GPR89B: variants seen among roughly 807,000 people sequenced by gnomAD.
The protein encoded by GPR89B is G protein-coupled receptor 89B.
GPR89B carries 25 observed loss-of-function variants against 52.4 expected under a neutral mutation model. That is an observed-to-expected ratio of 0.48 (90% confidence interval 0.35 to 0.67). The LOEUF is 0.67. Among genes scored for constraint, GPR89B ranks in the 30% least tolerant of loss-of-function variants. GPR89B has a pLI of 0.01. For synonymous variants in GPR89B, 52 were observed against 151.2 expected, an observed-to-expected ratio of 0.34 and a Z score of 4.81; for missense variants, 146 against 450.2, an observed-to-expected ratio of 0.32 and a Z score of 6.11.
At chr1:147,977,254 A>C (rs1254131866) in intron 10 of GPR89B, among the ~76,000 whole-genome samples, 5 of 151,134 alleles carry the variant, frequency 3.3e-5, no homozygotes, top group Non-Finnish European at 5.9e-5. Context: ...AAAAAAAAAA[A>C]AAAAAAAACA....
intron 10 of GPR89B, among the ~76,000 whole-genome samples, chr1:147,978,190 G>A (rs1657978776): frequency 6.6e-6 from 1 of 151,776 alleles, no homozygotes. Flanking sequence ...GTCTTTTTTT[G>A]TTGATGTTGT....
chr1:148,006,791 A>G, the GPR89B span, among the ~76,000 whole-genome samples: 1 of 150,918 alleles, frequency 6.6e-6, no homozygotes, highest in Admixed American at 6.6e-5. Context: ...ATCTTGGCTC[A>G]CAGCAACCTC....
At position 147,982,366 on chromosome 1, in the gene GPR89B, T is replaced by A. The variant is rs1394930120; in HGVS notation, c.910-3833T>A. On this transcript the variant is annotated intron_variant, in intron 10 of 13. Transcript: ENST00000314163. ...TGAGCCACTGCGACCGGCCTATGTTTAACCTTTTAAAGAACTACCAGACTT... is the reference window on the plus strand; with the variant it reads ...TGAGCCACTGCGACCGGCCTATGTTAAACCTTTTAAAGAACTACCAGACTT... Among the ~76,000 whole-genome samples, 9 of 151,320 alleles carry A rather than the reference T, an allele frequency of 5.9e-5. No individual in the cohort carries two copies. In the East Asian group the frequency reaches 1.4e-3, roughly 23 times the overall value.
intron 7 of GPR89B, 44 bp downstream of exon 7, chr1:147,954,446 T>A (rs1655952712): frequency 9.3e-6 from 2 of 214,378 alleles, no homozygotes; most frequent in African/African-American, 2.4e-5. Flanking sequence ...TTACAATTTC[T>A]CAACAAGAAA....
chr1:148,013,639 C>T, the GPR89B span, among the ~76,000 whole-genome samples: 1 of 151,984 alleles, frequency 6.6e-6, no homozygotes, highest in African/African-American at 2.4e-5. Context: ...CTGGGCCACG[C>T]GACCCAGGCC....
chr1:148,014,517 G>A, the GPR89B span: 1 of 151,302 alleles, frequency 6.6e-6, no homozygotes, highest in Non-Finnish European at 1.5e-5. Context: ...GCCGAAGTGT[G>A]GTGGACTAGC....
intron 1 of GPR89B, among the ~76,000 whole-genome samples, chr1:147,932,742 G>T (rs1653754264): frequency 6.6e-6 from 1 of 152,024 alleles, no homozygotes; most frequent in Non-Finnish European, 1.5e-5. Context: ...AGAAAACGGG[G>T]TTCCCCTACT....
At chr1:147,983,507 G>A (rs1413032347) in intron 10 of GPR89B, among the ~76,000 whole-genome samples, 1 of 152,148 alleles carries the variant, frequency 6.6e-6, no homozygotes, top group Non-Finnish European at 1.5e-5. Context: ...CCATCAAAAA[G>A]TTGGCGAAGG....
At chr1:147,963,004 CT>C (rs1656727199) in intron 7 of GPR89B, among the ~76,000 whole-genome samples, 1 of 147,388 alleles carries the variant, frequency 6.8e-6, no homozygotes, top group Non-Finnish European at 1.5e-5. Flanking sequence ...AAGTTCTTTA[CT>C]TGATACCAAA....
intron 12 of GPR89B, among the ~76,000 whole-genome samples, chr1:147,988,729 T>G (rs1658848780): frequency 6.7e-6 from 1 of 149,928 alleles, no homozygotes; most frequent in South Asian, 2.1e-4. Context: ...CTGGGTGTGG[T>G]GGCACATGCC....
the GPR89B span, among the ~76,000 whole-genome samples, chr1:148,019,807 C>CT: frequency 1.3e-5 from 2 of 151,986 alleles, no homozygotes; most frequent in African/African-American, 4.8e-5. Flanking sequence ...AACTGGCCTC[C>CT]TTGGGTGGCC....
At chr1:147,951,169 G>A (rs1655660528) in intron 5 of GPR89B, among the ~76,000 whole-genome samples, 1 of 151,154 alleles carries the variant, frequency 6.6e-6, no homozygotes, top group Non-Finnish European at 1.5e-5. Context: ...TTATCTGTGT[G>A]GCCTTAACTA....
chr1:147,977,437 G>A (rs1165191181), intron 10 of GPR89B, among the ~76,000 whole-genome samples: 1 of 151,492 alleles, frequency 6.6e-6, no homozygotes, highest in Admixed American at 6.6e-5. Context: ...TCTTGGGGTT[G>A]ATCTTCTCAT....
At chr1:148,023,004 C>T in the GPR89B span, among the ~76,000 whole-genome samples, 31 of 151,910 alleles carry the variant, frequency 2.0e-4, no homozygotes, top group Non-Finnish European at 3.8e-4. Flanking sequence ...ACCAAGGGTA[C>T]AAGTGTAGCA....
intron 2 of GPR89B, among the ~76,000 whole-genome samples, chr1:147,937,319 C>T (rs1553248121): frequency 6.6e-6 from 1 of 151,964 alleles, no homozygotes; most frequent in East Asian, 1.9e-4. Flanking sequence ...CTGGAAAGGG[C>T]AGTAAAATCA....
chr1:147,954,782 T>C (rs1223684161), intron 7 of GPR89B, among the ~76,000 whole-genome samples: 1 of 152,230 alleles, frequency 6.6e-6, no homozygotes. Context: ...AGAATTTTTT[T>C]GTTTAATTTT....
intron 11 of GPR89B, among the ~76,000 whole-genome samples, 160 bp from the exon 12 acceptor site, chr1:147,988,272 T>G (rs1658809181): frequency 6.6e-6 from 1 of 152,194 alleles, no homozygotes. Flanking sequence ...AGTTGTTTTA[T>G]TTGCCACTTA....
In GPR89B at chr1:147,992,585, C is replaced by T. The variant is rs1367853947; in HGVS notation, c.1161+18C>T. 1.5e-4 allele frequency: 238 copies of T among 1,611,664 alleles called. 1 individual carries two copies. In the East Asian group the frequency reaches 5.2e-3, roughly 35 times the overall value. ...AGATAATGGTAAGTTTAATTAGTTA[C>T]CTTTATGTTGACAGCTGTAAAATAT... On this transcript the variant is annotated intron_variant, in intron 13 of 13. Transcript: ENST00000314163.
At chr1:148,012,466 A>C in the GPR89B span, among the ~76,000 whole-genome samples, 1 of 150,838 alleles carries the variant, frequency 6.6e-6, no homozygotes, top group Non-Finnish European at 1.5e-5. Context: ...CTTCCTCCCT[A>C]TTCAGTTTAT....
Sources: allele counts gnomAD v4.1 joint callset (sites outside exome capture counted in the v4.1 genomes callset), GRCh38; gene constraint gnomAD v4.1.1; transcripts MANE v1.5; gene names NCBI Gene and HGNC (gene_info 2026-07-23, HGNC 2026-07-21).